Variants in ALCAM observed in about 807,000 individuals in gnomAD.
ALCAM encodes activated leukocyte cell adhesion molecule.
Under a neutral mutation model 70.9 loss-of-function variants are expected in ALCAM, and 30 were observed. That is an observed-to-expected ratio of 0.42 (90% CI 0.32 to 0.57). The LOEUF (loss-of-function observed/expected upper bound fraction) is 0.57. ALCAM is among the 20% of genes least tolerant of loss of function. The probability of loss-of-function intolerance (pLI) is 0.11; values close to 1 mark genes in which losing one functional copy is unlikely to be tolerated. For missense variants in ALCAM, 591 were observed against 695.1 expected, an observed-to-expected ratio of 0.85 and a Z score of 1.68; for synonymous variants, 249 against 242.5, an observed-to-expected ratio of 1.03 and a Z score of -0.25.
intron 14 of ALCAM, among the ~76,000 whole-genome samples, chr3:105,571,570 A>G (rs1940861536): frequency 6.6e-6 from 1 of 152,176 alleles, no homozygotes; most frequent in Non-Finnish European, 1.5e-5. Flanking sequence ...GAGAAAAATA[A>G]CCTAGCTAAA....
intron 1 of ALCAM, among the ~76,000 whole-genome samples, chr3:105,437,929 C>G (rs964821172): frequency 6.6e-6 from 1 of 151,662 alleles, no homozygotes; most frequent in Non-Finnish European, 1.5e-5. Flanking sequence ...AAATTTAGGC[C>G]ACATTTATAT....
intron 1 of ALCAM, among the ~76,000 whole-genome samples, chr3:105,488,780 G>A (rs1251167998): frequency 2.6e-5 from 4 of 151,966 alleles, no homozygotes; most frequent in African/African-American, 7.2e-5. Flanking sequence ...TGAATATGTA[G>A]ACCTGTGATT....
chr3:105,534,338 A>C (rs1475520627), intron 5 of ALCAM, among the ~76,000 whole-genome samples: 1 of 152,156 alleles, frequency 6.6e-6, no homozygotes, highest in Non-Finnish European at 1.5e-5. Flanking sequence ...TGTTACTTTA[A>C]GTATGTACTA....
At chr3:105,385,561 A>G (rs1004419736) in intron 1 of ALCAM, among the ~76,000 whole-genome samples, 1 of 151,668 alleles carries the variant, frequency 6.6e-6, no homozygotes, top group Non-Finnish European at 1.5e-5. Context: ...AGTAAGCCCA[A>G]ATTTGAATCT....
At chr3:105,451,737 G>T (rs1160257469) in intron 1 of ALCAM, among the ~76,000 whole-genome samples, 6 of 152,198 alleles carry the variant, frequency 3.9e-5, no homozygotes, top group African/African-American at 1.2e-4. Context: ...CTATGAAGAG[G>T]CATTAATAAA....
chr3:105,569,838 A>G (rs1193004932), intron 14 of ALCAM, among the ~76,000 whole-genome samples: 1 of 152,176 alleles, frequency 6.6e-6, no homozygotes, highest in Non-Finnish European at 1.5e-5. Context: ...TGAAGGGAAA[A>G]GCTGGATTTC....
intron 1 of ALCAM, among the ~76,000 whole-genome samples, chr3:105,463,851 A>G (rs1297670505): frequency 6.6e-6 from 1 of 151,426 alleles, no homozygotes; most frequent in Non-Finnish European, 1.5e-5. Flanking sequence ...CCCTTAGTCA[A>G]TAGAAGGAAT....
At chr3:105,570,550 G>A (rs1319242090) in intron 14 of ALCAM, among the ~76,000 whole-genome samples, 1 of 152,038 alleles carries the variant, frequency 6.6e-6, no homozygotes, top group South Asian at 2.1e-4. Flanking sequence ...AGACCAACAA[G>A]AGCATAAGAA....
chr3:105,511,431 T>C (rs1474882251), intron 1 of ALCAM, among the ~76,000 whole-genome samples: 2 of 152,092 alleles, frequency 1.3e-5, no homozygotes, highest in Non-Finnish European at 2.9e-5. Context: ...CCATCTCTCC[T>C]TTCTCCTCAA....
chr3:105,425,436 C>A (rs1022989931), intron 1 of ALCAM, among the ~76,000 whole-genome samples: 1 of 151,678 alleles, frequency 6.6e-6, no homozygotes, highest in Non-Finnish European at 1.5e-5. Flanking sequence ...ATGTCTTATG[C>A]TTTTTGCCTT....
At chr3:105,573,255 A>G (rs1024521424) in intron 15 of ALCAM, among the ~76,000 whole-genome samples, 2 of 152,186 alleles carry the variant, frequency 1.3e-5, no homozygotes, top group African/African-American at 4.8e-5. Flanking sequence ...TGAACCCAAG[A>G]GGTGGGGGTT....
chr3:105,551,730 G>T (rs1358697375), intron 12 of ALCAM, among the ~76,000 whole-genome samples: 1 of 151,286 alleles, frequency 6.6e-6, no homozygotes, highest in Admixed American at 6.6e-5. Flanking sequence ...TGACACTGGA[G>T]GATGACAATG....
chr3:105,380,862 G>A (rs1935502428), intron 1 of ALCAM, among the ~76,000 whole-genome samples: 1 of 151,888 alleles, frequency 6.6e-6, no homozygotes, highest in Non-Finnish European at 1.5e-5. Context: ...TTGTGATAAA[G>A]GCCTGTGGGT....
chr3:105,572,179 C>T (rs1940872239), intron 15 of ALCAM, among the ~76,000 whole-genome samples: 1 of 152,138 alleles, frequency 6.6e-6, no homozygotes, highest in African/African-American at 2.4e-5. Flanking sequence ...TGGTAGTTTG[C>T]ACGCATCAAC....
intron 1 of ALCAM, among the ~76,000 whole-genome samples, chr3:105,512,258 C>G (rs1939260100): frequency 6.6e-6 from 1 of 151,928 alleles, no homozygotes; most frequent in East Asian, 1.9e-4. Flanking sequence ...ACTGTGAGTT[C>G]TTTCTGAAGA....
In ALCAM at chr3:105,576,142, A is replaced by G. The variant is rs1940959511; in HGVS notation, c.*1691A>G. ...TTATGGGAAAAAAAGAAAATACGTTATTTTGCCTCTAAACTTTTATTGAAG... is the reference window on the plus strand; with the variant it reads ...TTATGGGAAAAAAAGAAAATACGTTGTTTTGCCTCTAAACTTTTATTGAAG... On this transcript the variant is annotated 3_prime_UTR_variant, in exon 16 of 16. Transcript: ENST00000306107. 1 of 152,534 alleles carries G rather than the reference A, an allele frequency of 6.6e-6. No individual in the cohort carries two copies. The highest frequency in any genetic ancestry group is 1.5e-5 in the Non-Finnish European group (1 of 67,996). 9.4% of individuals were successfully genotyped at this position (152,534 alleles called of 1,614,324 possible). A position where few individuals can be genotyped will look rare whatever the true frequency, so the allele number is the denominator to read the frequency against.
At chr3:105,496,152 CCAA>C (rs1451362752) in intron 1 of ALCAM, among the ~76,000 whole-genome samples, 2 of 152,068 alleles carry the variant, frequency 1.3e-5, no homozygotes, top group African/African-American at 4.8e-5. Context: ...CGCAAGTTCC[CCAA>C]TACATTGTAG....
intron 1 of ALCAM, among the ~76,000 whole-genome samples, chr3:105,460,948 G>A (rs1937593072): frequency 6.6e-6 from 1 of 150,522 alleles, no homozygotes. Flanking sequence ...ATGCCTAAGA[G>A]ATATATAGAT....
chr3:105,424,232 C>A (rs1936736218), intron 1 of ALCAM, among the ~76,000 whole-genome samples: 1 of 151,498 alleles, frequency 6.6e-6, no homozygotes, highest in African/African-American at 2.4e-5. Flanking sequence ...GTTATGGTAT[C>A]AAATCCTAGA....
Sources: allele counts gnomAD v4.1 joint callset (sites outside exome capture counted in the v4.1 genomes callset), GRCh38; gene constraint gnomAD v4.1.1; transcripts MANE v1.5; gene names NCBI Gene and HGNC (gene_info 2026-07-23, HGNC 2026-07-21).